Variants in TTC28 observed in about 807,000 individuals in gnomAD.
TTC28 encodes tetratricopeptide repeat domain 28.
TTC28 carries 61 observed loss-of-function variants against 198.0 expected under a neutral mutation model. That is an observed-to-expected ratio of 0.31 (90% CI 0.25 to 0.38). The LOEUF (loss-of-function observed/expected upper bound fraction) is 0.38, where lower values mean the gene tolerates loss of function less well. Ranked by LOEUF, TTC28 falls within the 10% of genes least tolerant of loss-of-function variation. The pLI, the probability that TTC28 is intolerant of heterozygous loss-of-function variation, is 1.00. For missense variants in TTC28, 2,678 were observed against 3,164.0 expected, an observed-to-expected ratio of 0.85 and a Z score of 3.69; for synonymous variants, 1,171 against 1,297.8, an observed-to-expected ratio of 0.90 and a Z score of 2.10.
At position 28,213,749 on chromosome 22, in the gene TTC28, T is replaced by C. The variant is rs574534235; in HGVS notation, c.934-50150A>G. Among the ~76,000 whole-genome samples the C allele has an allele frequency of 3.0e-3, 455 of 151,546 alleles. 5 individuals are homozygous for C. Among genetic ancestry groups the C allele is most frequent in the African/African-American group, 0.011 (437 of 41,168 alleles). On this transcript the variant is annotated intron_variant, in intron 5 of 22. Coordinates refer to ENST00000397906, the MANE Select transcript of TTC28 (RefSeq NM_001145418.2). ...AGTGCCATCTCCATTAAGCTACCAATGACTTTCTTCACAGAATTGGAAAAA... is the reference window on the plus strand; with the variant it reads ...AGTGCCATCTCCATTAAGCTACCAACGACTTTCTTCACAGAATTGGAAAAA...
chr22:28,413,762 G>C (rs2047125929), intron 2 of TTC28, among the ~76,000 whole-genome samples: 1 of 152,038 alleles, frequency 6.6e-6, no homozygotes, highest in South Asian at 2.1e-4. Flanking sequence ...AAAAAAGGTG[G>C]TAACTTTCCA....
chr22:28,673,654 T>C (rs9625526), intron 1 of TTC28, among the ~76,000 whole-genome samples: 1,753 of 152,312 alleles, frequency 0.012, 31 homozygotes, highest in African/African-American at 0.04. Context: ...AAAATGAATA[T>C]CAAATTAGCA....
intron 2 of TTC28, among the ~76,000 whole-genome samples, chr22:28,567,382 C>T (rs2049987405): frequency 6.9e-6 from 1 of 145,044 alleles, no homozygotes; most frequent in Non-Finnish European, 1.5e-5. Flanking sequence ...CAGCAAGACC[C>T]TGTCTCAAAA....
intron 5 of TTC28, among the ~76,000 whole-genome samples, chr22:28,166,850 C>T (rs543154578): frequency 3.3e-5 from 5 of 152,082 alleles, no homozygotes; most frequent in African/African-American, 9.6e-5. Flanking sequence ...GATAGAGACA[C>T]AAAAAACCCT....
At chr22:28,162,943 CAAAAAGAAAAG>C (rs747377426) in intron 6 of TTC28, 138 bp downstream of exon 6, 15 of 1,170,002 alleles carry the variant, frequency 1.3e-5, no homozygotes, top group African/African-American at 4.7e-5. Context: ...GACCCTGTCT[CAAAAAGAAAAG>C]GAAAAGAAAA....
At chr22:28,019,908 C>A (rs1938523217) in intron 13 of TTC28, among the ~76,000 whole-genome samples, 1 of 152,222 alleles carries the variant, frequency 6.6e-6, no homozygotes, top group Non-Finnish European at 1.5e-5. Context: ...GAAGACAGCC[C>A]AGAGTAGAAC....
chr22:28,076,859 T>A (rs1215714585), intron 12 of TTC28, among the ~76,000 whole-genome samples: 1 of 152,202 alleles, frequency 6.6e-6, no homozygotes. Flanking sequence ...TACTTCCCAG[T>A]GAGTCCATCC....
chr22:28,394,550 A>G (rs1432299653), intron 2 of TTC28, among the ~76,000 whole-genome samples: 2 of 152,182 alleles, frequency 1.3e-5, no homozygotes, highest in Non-Finnish European at 2.9e-5. Flanking sequence ...CTAATACAAG[A>G]TTCAATTTAC....
intron 6 of TTC28, among the ~76,000 whole-genome samples, chr22:28,130,430 T>C (rs147765244): frequency 3.1e-4 from 47 of 152,358 alleles, no homozygotes; most frequent in Admixed American, 2.0e-3. Context: ...CATAATGATA[T>C]GGTGTTTCTC....
At chr22:28,582,591 T>G (rs1330204652) in intron 2 of TTC28, among the ~76,000 whole-genome samples, 1 of 152,104 alleles carries the variant, frequency 6.6e-6, no homozygotes, top group Non-Finnish European at 1.5e-5. Context: ...TAACCTAACA[T>G]GACTAGAAAA....
At position 28,096,445 on chromosome 22, in the gene TTC28, G is replaced by C. The variant is rs377233317; in HGVS notation, c.3548-37C>G. 141 of 1,546,648 alleles carry C rather than the reference G, an allele frequency of 9.1e-5. 1 individual carries two copies. In the African/African-American group the frequency reaches 1.6e-3, roughly 18 times the overall value. On this transcript the variant is annotated intron_variant, in intron 10 of 22. Transcript: ENST00000397906. ...AGAGATATGCCGAGGAGTCCATAGT[G>C]AGTGTGCTTACTTAGAGAGGCCTAT...
At chr22:28,536,209 A>T (rs1173301698) in intron 2 of TTC28, among the ~76,000 whole-genome samples, 8 of 142,460 alleles carry the variant, frequency 5.6e-5, no homozygotes, top group African/African-American at 2.0e-4. Context: ...AAAAAAAAAA[A>T]AAAAAAAAAA....
chr22:28,274,999 A>AAAG (rs1405396634), intron 5 of TTC28, among the ~76,000 whole-genome samples: 17 of 147,632 alleles, frequency 1.2e-4, no homozygotes, highest in South Asian at 2.1e-4. Flanking sequence ...AAAAAAAAAA[A>AAAG]AGAGAGAGAG....
intron 2 of TTC28, among the ~76,000 whole-genome samples, chr22:28,353,475 G>T (rs1276469256): frequency 6.6e-6 from 1 of 152,138 alleles, no homozygotes; most frequent in Non-Finnish European, 1.5e-5. Flanking sequence ...CAAAACAGTT[G>T]TTATAATGGC....
chr22:28,227,716 AC>A (rs1928458131), intron 5 of TTC28, among the ~76,000 whole-genome samples: 1 of 152,246 alleles, frequency 6.6e-6, no homozygotes, highest in South Asian at 2.1e-4. Flanking sequence ...AAAAAAAAAA[AC>A]AAGTGTTAGC....
chr22:28,232,840 C>T lies in TTC28; in HGVS notation c.933+63358G>A, dbSNP rs1232061713. The stretch of plus-strand genomic sequence containing the variant: ...TTAGGGCTGGGCACGCTGGTTCACG[C>T]CTGTAATCCCGGCACTTTGGGAGGC... On this transcript the variant is annotated intron_variant, in intron 5 of 22. Coordinates refer to ENST00000397906, the MANE Select transcript of TTC28 (RefSeq NM_001145418.2). The T allele has an allele frequency of 2.0e-5, 3 of 152,156 alleles. No individual in the cohort carries two copies. The East Asian group carries it at 5.8e-4, about 29-fold the overall frequency. 9.4% of individuals were successfully genotyped at this position (152,156 alleles called of 1,614,324 possible).
chr22:28,433,155 C>T (rs970026941), intron 2 of TTC28, among the ~76,000 whole-genome samples: 5 of 152,084 alleles, frequency 3.3e-5, no homozygotes, highest in African/African-American at 1.2e-4. Flanking sequence ...TTTAAAGCCT[C>T]AGCACAAAGG....
chr22:28,648,648 C>T (rs2051516738), intron 1 of TTC28, among the ~76,000 whole-genome samples: 1 of 152,214 alleles, frequency 6.6e-6, no homozygotes, highest in Non-Finnish European at 1.5e-5. Context: ...GTGGCTCATG[C>T]CTGTAATTCC....
intron 1 of TTC28, among the ~76,000 whole-genome samples, chr22:28,656,973 T>TA (rs1184917203): frequency 1.1e-4 from 16 of 152,282 alleles, no homozygotes; most frequent in African/African-American, 3.1e-4. Flanking sequence ...CAGAACTGTT[T>TA]AAATAGTGCT....
Sources: allele counts gnomAD v4.1 joint callset (sites outside exome capture counted in the v4.1 genomes callset), GRCh38; gene constraint gnomAD v4.1.1; transcripts MANE v1.5; gene names NCBI Gene and HGNC (gene_info 2026-07-23, HGNC 2026-07-21).